Variants in WNT7A observed in about 807,000 individuals in gnomAD.
WNT7A encodes protein Wnt-7a.
A neutral mutation model predicts 28.2 loss-of-function variants in WNT7A; 16 were observed. The ratio of observed to expected loss-of-function variants is 0.57; its 90% confidence interval spans 0.38 to 0.86. The LOEUF (loss-of-function observed/expected upper bound fraction) is 0.86, where lower values mean the gene tolerates loss of function less well. Ranked by LOEUF, WNT7A falls within the 40% of genes least tolerant of loss-of-function variation. The pLI, the probability that WNT7A is intolerant of heterozygous loss-of-function variation, is 0.00. For synonymous variants in WNT7A, 190 were observed against 195.9 expected (o/e 0.97, Z 0.25); for missense variants, 411 against 489.7 (o/e 0.84, Z 1.52).
chr3:13,873,571 G>T, intron 2 of WNT7A, among the ~76,000 whole-genome samples: 1 of 152,158 alleles, frequency 6.6e-6, no homozygotes, highest in South Asian at 2.1e-4. Flanking sequence ...GATGGGTAAG[G>T]CTGTGCTTCC....
chr3:13,850,272 C>G (rs929150148), intron 3 of WNT7A, among the ~76,000 whole-genome samples: 3 of 152,168 alleles, frequency 2.0e-5, no homozygotes, highest in African/African-American at 7.2e-5. Flanking sequence ...GCCACTCTAT[C>G]TGGTCAAATA....
At chr3:13,840,608 C>T (rs1694441468) in intron 3 of WNT7A, among the ~76,000 whole-genome samples, 1 of 151,812 alleles carries the variant, frequency 6.6e-6, no homozygotes. Flanking sequence ...ATCCATCCAT[C>T]CATCCATCCA....
chr3:13,875,589 G>T (rs932561291), intron 1 of WNT7A, among the ~76,000 whole-genome samples: 5 of 152,176 alleles, frequency 3.3e-5, no homozygotes, highest in African/African-American at 7.2e-5. Flanking sequence ...GCAAGGAAAT[G>T]ATGACTTCAA....
intron 3 of WNT7A, among the ~76,000 whole-genome samples, chr3:13,850,243 C>A (rs1694606991): frequency 6.6e-6 from 1 of 152,130 alleles, no homozygotes; most frequent in South Asian, 2.1e-4. Flanking sequence ...CTCCTCAGGC[C>A]CTCGACATGC....
chr3:13,845,462 C>T (rs979743353), intron 3 of WNT7A, among the ~76,000 whole-genome samples: 1 of 152,194 alleles, frequency 6.6e-6, no homozygotes, highest in Non-Finnish European at 1.5e-5. Context: ...CCCTATGTGG[C>T]TTGTGATCAT....
At chr3:13,828,206 T>TATC (rs1261440040) in intron 3 of WNT7A, among the ~76,000 whole-genome samples, 1 of 152,160 alleles carries the variant, frequency 6.6e-6, no homozygotes, top group East Asian at 1.9e-4. Context: ...AGCTGTTGGT[T>TATC]ATCTCCCACC....
At chr3:13,845,205 G>C (rs1372421688) in intron 3 of WNT7A, among the ~76,000 whole-genome samples, 1 of 152,190 alleles carries the variant, frequency 6.6e-6, no homozygotes, top group South Asian at 2.1e-4. Context: ...CTGGCAGGAG[G>C]CCAGGGAGGT....
At chr3:13,852,541 G>A (rs1479842750) in intron 3 of WNT7A, among the ~76,000 whole-genome samples, 2 of 152,180 alleles carry the variant, frequency 1.3e-5, no homozygotes, top group Non-Finnish European at 2.9e-5. Context: ...AGTCCCAATC[G>A]ACAGATGTGG....
At chr3:13,848,338 A>G (rs1034674126) in intron 3 of WNT7A, among the ~76,000 whole-genome samples, 1 of 152,236 alleles carries the variant, frequency 6.6e-6, no homozygotes, top group East Asian at 1.9e-4. Context: ...CTGACCAAAT[A>G]CTGGCTGCTA....
chr3:13,879,802 C>T lies in WNT7A; in HGVS notation c.15G>A (p.Ala5=). The part of the protein sequence containing the change: MNRK[A]RRCLGHLFLS... The stretch of plus-strand genomic sequence containing the variant: ...GAAAGAGGTGGCCCAGGCAGCGCCG[C>T]GCTTTCCGGTTCATAGTCCCGATTG... Residue 5 remains alanine (A), a synonymous_variant, in exon 1 of 4, where the codon GCG becomes GCA. Transcript: ENST00000285018. The T allele has an allele frequency of 6.2e-7, 1 of 1,612,050 alleles. No homozygotes were observed. The highest frequency in any genetic ancestry group is 8.5e-7 in the Non-Finnish European group (1 of 1,179,032).
chr3:13,858,389 G>A (rs992857144), intron 2 of WNT7A, among the ~76,000 whole-genome samples: 8 of 152,188 alleles, frequency 5.3e-5, no homozygotes, highest in South Asian at 2.1e-4. Flanking sequence ...TGGTAATTTC[G>A]TGTGTCCTCT....
intron 2 of WNT7A, among the ~76,000 whole-genome samples, chr3:13,861,043 C>A (rs1160803602): frequency 1.3e-5 from 2 of 152,188 alleles, no homozygotes; most frequent in Non-Finnish European, 2.9e-5. Flanking sequence ...GAAACTGAGG[C>A]CCATGTGATA....
intron 3 of WNT7A, among the ~76,000 whole-genome samples, chr3:13,846,512 G>A (rs1694540746): frequency 6.6e-6 from 1 of 152,126 alleles, no homozygotes; most frequent in Non-Finnish European, 1.5e-5. Context: ...GAGAGAACAG[G>A]GAATGTTGAT....
intron 2 of WNT7A, among the ~76,000 whole-genome samples, chr3:13,859,917 G>A (rs1361558598): frequency 6.6e-6 from 1 of 152,200 alleles, no homozygotes; most frequent in Non-Finnish European, 1.5e-5. Flanking sequence ...TACAGATGGG[G>A]GAACTGAGGC....
intron 3 of WNT7A, among the ~76,000 whole-genome samples, chr3:13,836,269 G>A (rs1177135385): frequency 1.3e-5 from 2 of 151,862 alleles, no homozygotes; most frequent in Non-Finnish European, 2.9e-5. Context: ...GGGCCATGGA[G>A]CACAGCTGCT....
At chr3:13,876,866 T>A (rs1001486319) in intron 1 of WNT7A, 1 of 152,052 alleles carries the variant, frequency 6.6e-6, no homozygotes. Flanking sequence ...TCCCTACCCC[T>A]AATAAATTCC....
Position 13,880,011 on chromosome 3 carries a change from G to A in WNT7A, c.-195C>T. 2 of 385,858 alleles carry A rather than the reference G, an allele frequency of 5.2e-6. No homozygotes were observed. The highest frequency in any genetic ancestry group is 4.5e-6 in the Non-Finnish European group (1 of 221,408). 23.9% of individuals were successfully genotyped at this position (385,858 alleles called of 1,614,324 possible). A position where few individuals can be genotyped will look rare whatever the true frequency, so the allele number is the denominator to read the frequency against. ...GGGAGCCACGGAGCGGGAGGAGGGAGGGAGGAGCGAGCGCGGCGTGGGGCG... is the reference window on the plus strand; with the variant it reads ...GGGAGCCACGGAGCGGGAGGAGGGAAGGAGGAGCGAGCGCGGCGTGGGGCG... On this transcript the variant is annotated 5_prime_UTR_variant, in exon 1 of 4. Transcript: ENST00000285018.
intron 2 of WNT7A, among the ~76,000 whole-genome samples, chr3:13,859,873 A>G (rs1575070812): frequency 6.6e-6 from 1 of 152,316 alleles, no homozygotes; most frequent in Admixed American, 6.5e-5. Context: ...TAGGAAAGCA[A>G]CCCTCAAGGG....
chr3:13,864,280 C>G (rs1694877293), intron 2 of WNT7A, among the ~76,000 whole-genome samples: 1 of 152,162 alleles, frequency 6.6e-6, no homozygotes, highest in South Asian at 2.1e-4. Context: ...CAAGCAAACC[C>G]CCTGAGTCTG....
Sources: gnomAD v4.1 joint callset for allele counts (sites outside exome capture counted in the v4.1 genomes callset) on GRCh38, gnomAD v4.1.1 for gene constraint, MANE v1.5 for transcripts, NCBI Gene and HGNC (gene_info 2026-07-23, HGNC 2026-07-21) for gene names.